Variants in CAVIN1 observed in about 807,000 individuals in gnomAD.
CAVIN1 encodes caveolae-associated protein 1.
A neutral mutation model predicts 24.0 loss-of-function variants in CAVIN1; 16 were observed. The ratio of observed to expected loss-of-function variants is 0.67; its 90% CI spans 0.45 to 1.01. The LOEUF (loss-of-function observed/expected upper bound fraction) is 1.01. Ranked by LOEUF, CAVIN1 falls within the 50% of genes least tolerant of loss-of-function variation. CAVIN1 has a pLI of 0.00. For synonymous variants in CAVIN1, 256 were observed against 256.4 expected, an observed-to-expected ratio of 1.00 and a Z score of 0.02; for missense variants, 510 against 551.7, an observed-to-expected ratio of 0.92 and a Z score of 0.76.
rs2085569771 is a variant in CAVIN1, at chr17:42,423,232, G to A, written c.-135C>T. 3 of 721,610 alleles carry A rather than the reference G, an allele frequency of 4.2e-6. No individual in the cohort carries two copies. Among genetic ancestry groups the A allele is most frequent in the Non-Finnish European group, 4.5e-6 (2 of 445,430 alleles). The allele number at this position is 721,610 out of a possible 1,614,324, so 44.7% of individuals were successfully genotyped here. ...CAGAGGAAACTCGAGCCACGTCCGT[G>A]CGCACCGGGACAGCGGCCAGAACTG... On this transcript the variant is annotated 5_prime_UTR_variant, in exon 1 of 2. Transcript: ENST00000357037.
intron 1 of CAVIN1, among the ~76,000 whole-genome samples, chr17:42,408,085 C>T (rs933279288): frequency 6.6e-6 from 1 of 152,056 alleles, no homozygotes; most frequent in Non-Finnish European, 1.5e-5. Context: ...CTTAAAAACC[C>T]ACCCACGCCC....
chr17:42,409,496 C>T (rs1157746493), intron 1 of CAVIN1, among the ~76,000 whole-genome samples: 2 of 152,092 alleles, frequency 1.3e-5, no homozygotes. Flanking sequence ...CCTGGAGTGA[C>T]GGCTTACACC....
intron 1 of CAVIN1, among the ~76,000 whole-genome samples, chr17:42,416,193 C>A (rs2085510490): frequency 6.6e-6 from 1 of 152,026 alleles, no homozygotes; most frequent in Admixed American, 6.6e-5. Context: ...CATGGTGAAA[C>A]CCCGTCTCTG....
At chr17:42,412,287 G>A in intron 1 of CAVIN1, 4 of 985,198 alleles carry the variant, frequency 4.1e-6, no homozygotes, top group Non-Finnish European at 4.8e-6. Context: ...GGGGCTTGGG[G>A]TGGGTGCAAA....
chr17:42,418,533 G>A (rs1006192002), intron 1 of CAVIN1, among the ~76,000 whole-genome samples: 1 of 151,976 alleles, frequency 6.6e-6, no homozygotes, highest in South Asian at 2.1e-4. Context: ...GCCCAGCCCC[G>A]TATTTCCATT....
At chr17:42,419,843 T>G (rs934810027) in intron 1 of CAVIN1, among the ~76,000 whole-genome samples, 2 of 151,624 alleles carry the variant, frequency 1.3e-5, no homozygotes, top group Non-Finnish European at 2.9e-5. Flanking sequence ...GAGTTTAAGA[T>G]GAGGGCTGTG....
chr17:42,404,612 G>T lies in CAVIN1; in HGVS notation c.*75C>A. ...TTTCAATTTAGAAAAATCTCAGCCA[G>T]CTCGAGCCGAGAGAGAATGCGAAAG... On this transcript the variant is annotated 3_prime_UTR_variant, in exon 2 of 2. Coordinates refer to ENST00000357037, the MANE Select transcript of CAVIN1 (RefSeq NM_012232.6). 1 of 1,049,440 alleles carries T rather than the reference G, an allele frequency of 9.5e-7. No homozygotes were observed. Among genetic ancestry groups the T allele is most frequent in the Non-Finnish European group, 1.3e-6 (1 of 776,116 alleles). 65.0% of individuals were successfully genotyped at this position (1,049,440 alleles called of 1,614,324 possible).
Position 42,404,494 on chromosome 17 carries a change from G to A in CAVIN1, c.*193C>T. 4.3e-6 allele frequency: 2 copies of A among 468,628 alleles called. No individual in the cohort carries two copies. Among genetic ancestry groups the A allele is most frequent in the Non-Finnish European group, 7.5e-6 (2 of 265,846 alleles). The allele number at this position is 468,628 out of a possible 1,614,324, so 29.0% of individuals were successfully genotyped here. Reference sequence around the variant, plus strand: ...TTCCACTCGGACTGTGTCCAAGCGGGGGTTGTCCACTGCGGGGGCTGCCTC... The same window carrying A: ...TTCCACTCGGACTGTGTCCAAGCGGAGGTTGTCCACTGCGGGGGCTGCCTC... On this transcript the variant is annotated 3_prime_UTR_variant, in exon 2 of 2. Transcript: ENST00000357037.
chr17:42,405,080 C>T lies in CAVIN1; in HGVS notation c.780G>A (p.Lys260=). 6.2e-7 allele frequency: 1 copy of T among 1,614,092 alleles called. No homozygotes were observed. Among genetic ancestry groups the T allele is most frequent in the Non-Finnish European group, 8.5e-7 (1 of 1,179,986 alleles). ...ENLEKTRLKT[K]ENLEKTRHTL... ...TGTGCCGCGTCTTCTCCAGGTTTTCCTTGGTCTTGAGGCGCGTCTTCTCCA... is the reference window on the plus strand; with the variant it reads ...TGTGCCGCGTCTTCTCCAGGTTTTCTTTGGTCTTGAGGCGCGTCTTCTCCA... Residue 260 remains lysine (K), a synonymous_variant, in exon 2 of 2, where the codon AAG becomes AAA. Transcript: ENST00000357037.
intron 1 of CAVIN1, among the ~76,000 whole-genome samples, chr17:42,406,195 A>G (rs550526844): frequency 3.9e-5 from 6 of 152,092 alleles, no homozygotes; most frequent in Admixed American, 3.3e-4. Context: ...ACACAGCTCC[A>G]CTTTGGAAAT....
At chr17:42,418,451 G>A (rs1447227892) in intron 1 of CAVIN1, among the ~76,000 whole-genome samples, 6 of 151,710 alleles carry the variant, frequency 4.0e-5, no homozygotes, top group Non-Finnish European at 8.8e-5. Context: ...GGCTGGTCTC[G>A]AACTCCCCAC....
intron 1 of CAVIN1, among the ~76,000 whole-genome samples, chr17:42,420,284 G>A (rs1038356112): frequency 1.3e-5 from 2 of 152,112 alleles, no homozygotes; most frequent in African/African-American, 4.8e-5. Flanking sequence ...TCCCTAATAG[G>A]CCTGCCAAGG....
chr17:42,404,937 T>C lies in CAVIN1; in HGVS notation c.923A>G (p.Tyr308Cys), dbSNP rs146799286. 2.1e-3 allele frequency: 3,319 copies of C among 1,614,000 alleles called. 3 individuals are homozygous for C. Among genetic ancestry groups the C allele is most frequent in the Non-Finnish European group, 2.7e-3 (3,167 of 1,179,936 alleles). Reference protein sequence around the residue: ...RKSFTPDHVVYARSKTAVYKV... With the variant: ...RKSFTPDHVVCARSKTAVYKV... ...GTAGACCGCGGTCTTGGAGCGCGCG[T>C]ACACCACGTGGTCGGGCGTGAAGGA... The change falls in exon 2 of 2, where the codon TAC becomes TGC. Residue 308 changes from tyrosine (Y) to cysteine (C), a missense_variant. Coordinates refer to ENST00000357037, the MANE Select transcript of CAVIN1 (RefSeq NM_012232.6).
At chr17:42,412,928 T>G (rs1409044133) in intron 1 of CAVIN1, among the ~76,000 whole-genome samples, 1 of 149,120 alleles carries the variant, frequency 6.7e-6, no homozygotes, top group Non-Finnish European at 1.5e-5. Flanking sequence ...ATTTTATTTA[T>G]TTTTTTGAGA....
At chr17:42,408,789 C>T (rs567131778) in intron 1 of CAVIN1, among the ~76,000 whole-genome samples, 165 of 138,104 alleles carry the variant, frequency 1.2e-3, no homozygotes, top group African/African-American at 4.1e-3. Flanking sequence ...CCGTGCCCGG[C>T]CTTTTTTTTT....
At chr17:42,412,995 G>C (rs1488905691) in intron 1 of CAVIN1, among the ~76,000 whole-genome samples, 3 of 151,162 alleles carry the variant, frequency 2.0e-5, no homozygotes, top group African/African-American at 7.3e-5. Flanking sequence ...CGTGATCTCT[G>C]ATCTTGGTTC....
chr17:42,411,778 T>G, intron 1 of CAVIN1: 22 of 985,344 alleles, frequency 2.2e-5, no homozygotes, highest in Non-Finnish European at 2.7e-5. Context: ...AGCCTTCGGG[T>G]GCAGCTTAAG....
At chr17:42,413,558 CAAAAAGGGAAAAAAAAAAAAA>C (rs1368899783) in intron 1 of CAVIN1, among the ~76,000 whole-genome samples, 5 of 57,056 alleles carry the variant, frequency 8.8e-5, no homozygotes, top group African/African-American at 2.3e-4. Context: ...AAGTCTGTCT[CAAAAAGGGAAAAAAAAAAAAA>C]AAAAAAAAAA....
At chr17:42,412,077 G>T (rs2145479111) in intron 1 of CAVIN1, 1 of 985,364 alleles carries the variant, frequency 1.0e-6, no homozygotes, top group East Asian at 1.1e-4. Context: ...GCTCCTCTGG[G>T]GTGGGCCGGG....
Sources: gnomAD v4.1 joint callset for allele counts (sites outside exome capture counted in the v4.1 genomes callset) on GRCh38, gnomAD v4.1.1 for gene constraint, MANE v1.5 for transcripts, NCBI Gene and HGNC (gene_info 2026-07-23, HGNC 2026-07-21) for gene names.